The following SYT17 variants were observed in gnomAD, a reference collection of about 807,000 sequenced individuals.
SYT17 encodes synaptotagmin-17.
In SYT17, 22 loss-of-function variants were observed where a neutral mutation model predicts 46.7. The ratio of observed to expected loss-of-function variants is 0.47; its 90% confidence interval spans 0.34 to 0.67. The LOEUF is 0.67. Ranked by LOEUF, SYT17 falls within the 30% of genes least tolerant of loss-of-function variation. The probability of loss-of-function intolerance (pLI) is 0.01; values close to 1 mark genes in which losing one functional copy is unlikely to be tolerated. For synonymous variants in SYT17, 251 were observed against 248.4 expected (o/e 1.01, Z -0.10); for missense variants, 519 against 612.8 (o/e 0.85, Z 1.62).
chr16:19,209,074 G>C (rs1965788099), intron 5 of SYT17, among the ~76,000 whole-genome samples: 1 of 151,406 alleles, frequency 6.6e-6, no homozygotes, highest in Admixed American at 6.6e-5. Context: ...TCACCATGTT[G>C]GTCAGGCTGG....
rs138676422 is a variant in SYT17, at chr16:19,222,551, T to C, written c.952-494T>C. ...CACTCAGTTCCTCTGCAGGGCATTC[T>C]ACCTCCCAGGTATCCTATTGGATGG... is the stretch of plus-strand genomic sequence containing the variant. On this transcript the variant is annotated intron_variant, in intron 5 of 7. Coordinates refer to ENST00000355377, the MANE Select transcript of SYT17 (RefSeq NM_016524.4). 2.5e-3 allele frequency among the ~76,000 whole-genome samples: 379 copies of C among 152,298 alleles called. 1 individual carries two copies. Among genetic ancestry groups the C allele is most frequent in the African/African-American group, 8.8e-3 (367 of 41,564 alleles).
intron 5 of SYT17, among the ~76,000 whole-genome samples, chr16:19,222,363 G>T (rs1966351943): frequency 6.6e-6 from 1 of 152,060 alleles, no homozygotes; most frequent in Admixed American, 6.6e-5. Flanking sequence ...TGGCAGTATG[G>T]AGTCATGCAC....
chr16:19,215,937 G>A (rs1966079984), intron 5 of SYT17, among the ~76,000 whole-genome samples: 1 of 152,042 alleles, frequency 6.6e-6, no homozygotes, highest in Non-Finnish European at 1.5e-5. Context: ...ACTTGTGCAG[G>A]GAAACTCCTC....
intron 3 of SYT17, among the ~76,000 whole-genome samples, chr16:19,177,772 C>T (rs1464005983): frequency 1.3e-5 from 2 of 152,194 alleles, no homozygotes; most frequent in Admixed American, 6.5e-5. Flanking sequence ...ACTGCACAAT[C>T]TGACTGGTGC....
At position 19,184,094 on chromosome 16, in the gene SYT17, G is replaced by T; in HGVS notation, c.898G>T (p.Val300Phe). 6.2e-7 allele frequency: 1 copy of T among 1,614,212 alleles called. No homozygotes were observed. Among genetic ancestry groups the T allele is most frequent in the Non-Finnish European group, 8.5e-7 (1 of 1,180,050 alleles). Residue 300 changes from valine (V) to phenylalanine (F), a missense_variant, in exon 5 of 8, where the codon GTT becomes TTT. Coordinates refer to ENST00000355377, the MANE Select transcript of SYT17 (RefSeq NM_016524.4). ...GAAAGTTTCTGTGCCTTTGTGTGAA[G>T]TTGACCTGGTCAAGGGCGGGCACTG... The part of the protein sequence containing the change: ...IGKVSVPLCE[V>F]DLVKGGHWWK...
At chr16:19,255,235 G>C (rs1968474803) in intron 7 of SYT17, among the ~76,000 whole-genome samples, 1 of 152,116 alleles carries the variant, frequency 6.6e-6, no homozygotes, top group Non-Finnish European at 1.5e-5. Flanking sequence ...GAGAGGGGAG[G>C]CTTCGGTTTT....
intron 7 of SYT17, among the ~76,000 whole-genome samples, chr16:19,231,389 G>T (rs1966676416): frequency 6.6e-6 from 1 of 151,892 alleles, no homozygotes; most frequent in Admixed American, 6.6e-5. Flanking sequence ...TGGCCAACAT[G>T]GTGTAACCCC....
intron 3 of SYT17, among the ~76,000 whole-genome samples, chr16:19,174,957 C>T (rs754959865): frequency 2.3e-4 from 35 of 151,776 alleles, no homozygotes; most frequent in Non-Finnish European, 4.4e-4. Context: ...CCCCATGCCC[C>T]ATCTCGACAA....
chr16:19,252,417 A>G lies in SYT17; in HGVS notation c.1229-14463A>G, dbSNP rs1182449455. Among the ~76,000 whole-genome samples, 3 of 26,674 alleles carry G rather than the reference A, an allele frequency of 1.1e-4. 1 individual carries two copies. Among genetic ancestry groups the G allele is most frequent in the African/African-American group, 6.3e-4 (2 of 3,196 alleles). 17.5% of individuals were successfully genotyped at this position (26,674 alleles called of 152,430 possible). A position where few individuals can be genotyped will look rare whatever the true frequency, so the allele number is the denominator to read the frequency against. ...TACATATATATACATATATATATAC[A>G]TATATATATACATATATATACATAT... On this transcript the variant is annotated intron_variant, in intron 7 of 7. Coordinates refer to ENST00000355377, the MANE Select transcript of SYT17 (RefSeq NM_016524.4).
chr16:19,173,665 G>A (rs533240018), intron 3 of SYT17, 87 bp downstream of exon 3: 4 of 1,441,538 alleles, frequency 2.8e-6, no homozygotes, highest in East Asian at 2.4e-5. Flanking sequence ...TCTGGGCCAC[G>A]GGAGGGAGGA....
Position 19,222,284 on chromosome 16 carries a change from T to G in SYT17, c.952-761T>G, listed in dbSNP as rs1291370836. On this transcript the variant is annotated intron_variant, in intron 5 of 7. Transcript: ENST00000355377. ...TCTATTGTTTTGTATATGGCTGAAA[T>G]TTTCTACAATACTTTTTTTTTTAAA... 5.4e-5 allele frequency among the ~76,000 whole-genome samples: 8 copies of G among 147,198 alleles called. No individual in the cohort carries two copies. In the Admixed American group the frequency reaches 5.6e-4, roughly 10 times the overall value.
intron 3 of SYT17, among the ~76,000 whole-genome samples, chr16:19,176,751 A>G (rs1964330271): frequency 1.3e-5 from 2 of 152,130 alleles, no homozygotes; most frequent in African/African-American, 4.8e-5. Context: ...TCCTGACCTC[A>G]AGCAGTCCTC....
At chr16:19,192,016 C>T (rs1037555874) in intron 5 of SYT17, among the ~76,000 whole-genome samples, 2 of 152,188 alleles carry the variant, frequency 1.3e-5, no homozygotes, top group African/African-American at 4.8e-5. Context: ...AATCTTCTGA[C>T]CTCGTGATCT....
intron 5 of SYT17, among the ~76,000 whole-genome samples, chr16:19,200,197 C>G (rs879790612): frequency 6.6e-6 from 1 of 152,212 alleles, no homozygotes; most frequent in Admixed American, 6.5e-5. Flanking sequence ...ATGGACTTCT[C>G]TCTAGAGCAG....
chr16:19,192,389 C>A (rs1965059880), intron 5 of SYT17, among the ~76,000 whole-genome samples: 1 of 151,826 alleles, frequency 6.6e-6, no homozygotes, highest in Admixed American at 6.6e-5. Context: ...CCACTGCACT[C>A]CAGTCTGGAC....
chr16:19,184,045 G>A lies in SYT17; in HGVS notation c.849G>A (p.Lys283=). The change falls in exon 5 of 8, where the codon AAG becomes AAA. Residue 283 remains lysine, a synonymous_variant. Transcript: ENST00000355377. The stretch of plus-strand genomic sequence containing the variant: ...TCCTGACCGTGGTGGATTTTGATAA[G>A]TTCTCCCGCCACTGTGTCATTGGGA... ...TLLLTVVDFD[K]FSRHCVIGKV... is the part of the protein sequence containing the mutation. The A allele has an allele frequency of 1.2e-6, 2 of 1,613,974 alleles. No homozygotes were observed. Among genetic ancestry groups the A allele is most frequent in the East Asian group, 2.2e-5 (1 of 44,870 alleles).
At position 19,267,076 on chromosome 16, in the gene SYT17, A is replaced by T; in HGVS notation, c.1425A>T (p.Ter475CysextTer11). ...CTCCTGCCTCCCTGGAGGTGACCTGAGGGCTGCAGGGAAGGCAGCTTTCAT... is the reference window on the plus strand; with the variant it reads ...CTCCTGCCTCCCTGGAGGTGACCTGTGGGCTGCAGGGAAGGCAGCTTTCAT... ...RVSPASLEVT[*>C] is the part of the protein sequence containing the mutation. Residue 475 changes from the stop codon to cysteine, a stop_lost, in exon 8 of 8, where the codon TGA becomes TGT. Coordinates refer to ENST00000355377, the MANE Select transcript of SYT17 (RefSeq NM_016524.4). 6.4e-7 allele frequency: 1 copy of T among 1,564,510 alleles called. No individual in the cohort carries two copies. The highest frequency in any genetic ancestry group is 8.7e-7 in the Non-Finnish European group (1 of 1,155,426).
At chr16:19,212,647 CGG>C (rs1965950559) in intron 5 of SYT17, among the ~76,000 whole-genome samples, 1 of 152,174 alleles carries the variant, frequency 6.6e-6, no homozygotes, top group African/African-American at 2.4e-5. Flanking sequence ...AAGAAATAAA[CGG>C]GGAAGTGAGG....
At chr16:19,218,872 T>C (rs1225976105) in intron 5 of SYT17, among the ~76,000 whole-genome samples, 5 of 152,128 alleles carry the variant, frequency 3.3e-5, no homozygotes, top group Non-Finnish European at 5.9e-5. Flanking sequence ...GGTTTATTCC[T>C]CCCTCCCTCC....
Sources: gnomAD v4.1 joint callset for allele counts (sites outside exome capture counted in the v4.1 genomes callset) on GRCh38, gnomAD v4.1.1 for gene constraint, MANE v1.5 for transcripts, NCBI Gene and HGNC (gene_info 2026-07-23, HGNC 2026-07-21) for gene names.